ADAMTS18: variants seen among roughly 807,000 people sequenced by gnomAD.
ADAMTS18 encodes ADAM metallopeptidase with thrombospondin type 1 motif 18.
In ADAMTS18, 157 loss-of-function variants were observed where a neutral mutation model predicts 165.9. The observed-to-expected ratio is 0.95, with a 90% CI of 0.83 to 1.08. The LOEUF (loss-of-function observed/expected upper bound fraction) is 1.08, where lower values mean the gene tolerates loss of function less well. ADAMTS18 is among the 50% of genes least tolerant of loss of function. The pLI is 0.00. For synonymous variants in ADAMTS18, 782 were observed against 578.2 expected (o/e 1.35, Z -5.06); for missense variants, 2,040 against 1,534.0 (o/e 1.33, Z -5.51).
chr16:77,356,516 T>G (rs2056632814), intron 8 of ADAMTS18, among the ~76,000 whole-genome samples: 1 of 152,208 alleles, frequency 6.6e-6, no homozygotes, highest in East Asian at 1.9e-4. Flanking sequence ...AAGTTGTTTA[T>G]GAACTGTTCA....
chr16:77,339,322 C>T lies in ADAMTS18; in HGVS notation c.1710+2382G>A, dbSNP rs989088432. The stretch of plus-strand genomic sequence containing the variant: ...TTGAGGGTGACATTACACTTAAGGG[C>T]TTTTCACCAGTATATAACTATAGCC... On this transcript the variant is annotated intron_variant, in intron 11 of 22. Coordinates refer to ENST00000282849, the MANE Select transcript of ADAMTS18 (RefSeq NM_199355.4). Among the ~76,000 whole-genome samples the T allele has an allele frequency of 3.3e-5, 5 of 152,200 alleles. No individual in the cohort carries two copies. The East Asian group carries it at 7.7e-4, about 24-fold the overall frequency.
chr16:77,334,696 A>G (rs1260199989), intron 12 of ADAMTS18, among the ~76,000 whole-genome samples: 2 of 111,788 alleles, frequency 1.8e-5, no homozygotes, highest in African/African-American at 7.0e-5. Flanking sequence ...TATATATAGT[A>G]TATATATACT....
chr16:77,357,609 G>C (rs942816130), intron 8 of ADAMTS18, among the ~76,000 whole-genome samples: 6 of 152,198 alleles, frequency 3.9e-5, no homozygotes, highest in African/African-American at 1.4e-4. Context: ...CATTACGCTA[G>C]AGGAAAAGAA....
intron 3 of ADAMTS18, among the ~76,000 whole-genome samples, chr16:77,379,948 T>C (rs866543683): frequency 6.6e-6 from 1 of 152,176 alleles, no homozygotes; most frequent in Non-Finnish European, 1.5e-5. Context: ...AATCCTGATC[T>C]CCAATCTTGG....
At chr16:77,414,547 A>T (rs983272469) in intron 3 of ADAMTS18, among the ~76,000 whole-genome samples, 1 of 152,190 alleles carries the variant, frequency 6.6e-6, no homozygotes, top group Non-Finnish European at 1.5e-5. Context: ...GCTACTAAAA[A>T]ATTTAAAATT....
At chr16:77,335,607 C>A (rs562863941) in intron 12 of ADAMTS18, 149 bp downstream of exon 12, 2 of 950,540 alleles carry the variant, frequency 2.1e-6, no homozygotes, top group Non-Finnish European at 3.3e-6. Flanking sequence ...ATCAACACAT[C>A]ACATGTACCC....
At chr16:77,397,231 G>GTAGAA (rs2057270163) in intron 3 of ADAMTS18, among the ~76,000 whole-genome samples, 1 of 152,186 alleles carries the variant, frequency 6.6e-6, no homozygotes, top group Non-Finnish European at 1.5e-5. Context: ...AATCAACTGT[G>GTAGAA]TAGAAAGGAG....
Position 77,283,994 on chromosome 16 carries a change from C to A in ADAMTS18, c.3628G>T (p.Gly1210Ter), listed in dbSNP as rs61749041. 6.2e-7 allele frequency: 1 copy of A among 1,613,936 alleles called. No homozygotes were observed. The highest frequency in any genetic ancestry group is 1.3e-5 in the African/African-American group (1 of 74,994). The change falls in exon 23 of 23, where the codon GGA becomes TGA. Residue 1210 changes from glycine to a stop codon, truncating the protein, a stop_gained. Coordinates refer to ENST00000282849, the MANE Select transcript of ADAMTS18 (RefSeq NM_199355.4). LOFTEE classifies it high-confidence loss of function. ...GTGCATGACTTGCAGCATTGTTTTC[C>A]GTAAAACTTGTGGTTGCAGACACCA... is the stretch of plus-strand genomic sequence containing the variant. ...QHGVCNHKFY[G>*]KQCCKSCTRK...
At chr16:77,354,812 C>T (rs182540130) in intron 9 of ADAMTS18, among the ~76,000 whole-genome samples, 12 of 152,282 alleles carry the variant, frequency 7.9e-5, no homozygotes, top group African/African-American at 1.2e-4. Context: ...TAACTACATA[C>T]TAACGGAAAT....
intron 3 of ADAMTS18, among the ~76,000 whole-genome samples, chr16:77,389,117 T>A (rs1483719663): frequency 1.3e-5 from 2 of 152,078 alleles, no homozygotes; most frequent in Non-Finnish European, 2.9e-5. Context: ...CTGGGCAACA[T>A]GGCGAAACCC....
At chr16:77,332,809 G>A (rs929999514) in intron 12 of ADAMTS18, among the ~76,000 whole-genome samples, 3 of 152,162 alleles carry the variant, frequency 2.0e-5, no homozygotes, top group African/African-American at 4.8e-5. Context: ...ATCCACAGCT[G>A]ATTTGACTAG....
chr16:77,335,355 T>C (rs114228683), intron 12 of ADAMTS18, among the ~76,000 whole-genome samples: 1,606 of 148,918 alleles, frequency 0.011, 28 homozygotes, highest in African/African-American at 0.037. Flanking sequence ...GGAGGGAGAA[T>C]GGTAATGTCA....
At chr16:77,367,105 A>C (rs548036965) in intron 4 of ADAMTS18, among the ~76,000 whole-genome samples, 248 of 152,288 alleles carry the variant, frequency 1.6e-3, no homozygotes, top group South Asian at 8.3e-3. Flanking sequence ...CAAAGGAGAC[A>C]TCCAACCACA....
intron 3 of ADAMTS18, among the ~76,000 whole-genome samples, chr16:77,387,754 CAT>C (rs2057129583): frequency 6.6e-6 from 1 of 152,174 alleles, no homozygotes; most frequent in African/African-American, 2.4e-5. Context: ...GCTAAGATAA[CAT>C]GTGAACTGAG....
intron 22 of ADAMTS18, among the ~76,000 whole-genome samples, chr16:77,287,036 G>A (rs2055267056): frequency 6.6e-6 from 1 of 152,090 alleles, no homozygotes; most frequent in Admixed American, 6.5e-5. Context: ...AAGCTGTTTG[G>A]TGACACTGGA....
At chr16:77,415,752 G>A (rs2057522495) in intron 3 of ADAMTS18, among the ~76,000 whole-genome samples, 1 of 133,672 alleles carries the variant, frequency 7.5e-6, no homozygotes, top group African/African-American at 2.7e-5. Context: ...ATCAGAGGTG[G>A]CCACTGTCAT....
intron 11 of ADAMTS18, among the ~76,000 whole-genome samples, chr16:77,338,760 T>C (rs973885352): frequency 3.3e-5 from 5 of 151,684 alleles, no homozygotes; most frequent in African/African-American, 1.2e-4. Flanking sequence ...GAGAGCATCC[T>C]GGCTAATACG....
At chr16:77,355,897 T>A (rs773969815) in intron 9 of ADAMTS18, 43 bp downstream of exon 9, 18 of 1,613,060 alleles carry the variant, frequency 1.1e-5, no homozygotes, top group African/African-American at 2.7e-5. Flanking sequence ...AATTCTGTCA[T>A]CACTCCAAAC....
intron 3 of ADAMTS18, among the ~76,000 whole-genome samples, chr16:77,413,363 G>T (rs1191765557): frequency 6.6e-6 from 1 of 152,176 alleles, no homozygotes; most frequent in East Asian, 1.9e-4. Flanking sequence ...GTAGAGTGCA[G>T]AAAAACCTTA....
Sources: allele counts gnomAD v4.1 joint callset (sites outside exome capture counted in the v4.1 genomes callset), GRCh38; gene constraint gnomAD v4.1.1; transcripts MANE v1.5; gene names NCBI Gene and HGNC (gene_info 2026-07-23, HGNC 2026-07-21).